The following ATG4B variants were observed in gnomAD, a reference collection of about 807,000 sequenced individuals.
ATG4B encodes cysteine protease ATG4B.
In ATG4B, 29 loss-of-function variants were observed where a neutral mutation model predicts 56.6. The observed-to-expected ratio is 0.51, with a 90% CI of 0.38 to 0.70. The LOEUF is 0.70. Ranked by LOEUF, ATG4B falls within the 30% of genes least tolerant of loss-of-function variation. ATG4B has a pLI of 0.00. For synonymous variants in ATG4B, 224 were observed against 206.1 expected, an observed-to-expected ratio of 1.09 and a Z score of -0.74; for missense variants, 461 against 515.5, an observed-to-expected ratio of 0.89 and a Z score of 1.02.
At chr2:241,660,267 C>T (rs1364421810) in intron 7 of ATG4B, among the ~76,000 whole-genome samples, 1 of 152,228 alleles carries the variant, frequency 6.6e-6, no homozygotes, top group Non-Finnish European at 1.5e-5. Flanking sequence ...GGGTCCTGCC[C>T]TGTGACTGTG....
At position 241,671,690 on chromosome 2, in the gene ATG4B, CAG is replaced by C. The variant is rs1238939064; in HGVS notation, c.1108+287_1108+288del. 4 of 1,367,636 alleles carry C rather than the reference CAG, an allele frequency of 2.9e-6. No individual in the cohort carries two copies. The Admixed American group carries it at 8.1e-5, about 28-fold the overall frequency. 84.7% of individuals were successfully genotyped at this position (1,367,636 alleles called of 1,614,324 possible). On this transcript the variant is annotated intron_variant, in intron 12 of 12. Transcript: ENST00000404914. The stretch of plus-strand genomic sequence containing the variant: ...GGAGTCCTCAGGGGTCTGGAGCAGA[CAG>C]AACATGCAGGCTCTGTGGTGACGCA...
At chr2:241,656,442 C>T (rs763133295) in intron 6 of ATG4B, among the ~76,000 whole-genome samples, 90 of 152,240 alleles carry the variant, frequency 5.9e-4, no homozygotes, top group Non-Finnish European at 2.4e-4. Flanking sequence ...CCCCAGCCCC[C>T]ACCACACCCT....
Position 241,637,735 on chromosome 2 carries a change from G to T in ATG4B, c.10+11G>T. 3 of 1,574,706 alleles carry T rather than the reference G, an allele frequency of 1.9e-6. No individual in the cohort carries two copies. The highest frequency in any genetic ancestry group is 2.6e-6 in the Non-Finnish European group (3 of 1,164,030). On this transcript the variant is annotated intron_variant, in intron 1 of 12. Transcript: ENST00000404914. Reference sequence around the variant, plus strand: ...GGAAGATGGACGCAGGTGAGGAGTTGCCGGGGGTCGGTCTTTCCGCAGGAG... The same window carrying T: ...GGAAGATGGACGCAGGTGAGGAGTTTCCGGGGGTCGGTCTTTCCGCAGGAG...
intron 1 of ATG4B, among the ~76,000 whole-genome samples, chr2:241,644,159 T>G (rs2067994482): frequency 6.6e-6 from 1 of 151,586 alleles, no homozygotes; most frequent in Admixed American, 6.6e-5. Flanking sequence ...CCAGCCTGCT[T>G]AACATAGGGA....
chr2:241,646,076 TCA>T (rs2068052617), intron 1 of ATG4B, among the ~76,000 whole-genome samples: 1 of 152,202 alleles, frequency 6.6e-6, no homozygotes, highest in Non-Finnish European at 1.5e-5. Flanking sequence ...CCTGTAATTT[TCA>T]CAGTTATAGC....
At position 241,670,460 on chromosome 2, in the gene ATG4B, A is replaced by G. The variant is rs187826299; in HGVS notation, c.958-266A>G. 258 of 557,306 alleles carry G rather than the reference A, an allele frequency of 4.6e-4. 1 individual carries two copies. Among genetic ancestry groups the G allele is most frequent in the Non-Finnish European group, 7.2e-4 (224 of 310,168 alleles). The allele number at this position is 557,306 out of a possible 1,614,324, so 34.5% of individuals were successfully genotyped here. ...CGGAACACTCGGTGAGGTTTGAGAG[A>G]TGCACACCACGTAACATCTCGTGGG... On this transcript the variant is annotated intron_variant, in intron 10 of 12. Transcript: ENST00000404914.
chr2:241,665,443 T>A (rs1273266526), intron 7 of ATG4B, among the ~76,000 whole-genome samples: 3 of 152,204 alleles, frequency 2.0e-5, no homozygotes, highest in Admixed American at 2.0e-4. Flanking sequence ...TGTATATAGT[T>A]GTGATGTCTT....
intron 1 of ATG4B, among the ~76,000 whole-genome samples, chr2:241,648,607 G>GA (rs796479347): frequency 0.053 from 7,416 of 139,122 alleles, 359 homozygotes; most frequent in African/African-American, 0.13. Flanking sequence ...AAAAAAAAAA[G>GA]AAAAAAAAAC....
Position 241,653,607 on chromosome 2 carries a change from C to A in ATG4B, c.280C>A (p.Arg94=), listed in dbSNP as rs1399287598. 1.3e-6 allele frequency: 2 copies of A among 1,563,232 alleles called. No homozygotes were observed. The highest frequency in any genetic ancestry group is 1.7e-6 in the Non-Finnish European group (2 of 1,153,468). Residue 94 remains arginine (R), a synonymous_variant, in exon 4 of 13, where the codon CGA becomes AGA. Transcript: ENST00000404914. ...AQALVCRHLG[R]DWRWTQRKRQ... is the part of the protein sequence containing the mutation. ...AGCCCTGGTGTGCCGGCACCTAGGC[C>A]GAGGTGAGTCACAGCCCTGGGGAGG...
At chr2:241,650,645 T>A (rs530594676) in intron 1 of ATG4B, among the ~76,000 whole-genome samples, 1 of 152,232 alleles carries the variant, frequency 6.6e-6, no homozygotes, top group Non-Finnish European at 1.5e-5. Flanking sequence ...TCGGGTGGGT[T>A]TTCATTTTTT....
intron 1 of ATG4B, chr2:241,638,112 G>A (rs1343272365): frequency 1.2e-5 from 2 of 162,192 alleles, no homozygotes; most frequent in Non-Finnish European, 2.7e-5. Flanking sequence ...GGGGACGCGA[G>A]CGGCGGGCGA....
chr2:241,668,171 G>A lies in ATG4B; in HGVS notation c.761G>A (p.Gly254Asp). 6.2e-7 allele frequency: 1 copy of A among 1,606,398 alleles called. No homozygotes were observed. Among genetic ancestry groups the A allele is most frequent in the Non-Finnish European group, 8.5e-7 (1 of 1,176,902 alleles). ...TGCTTCATGATGCCCCAGTCCCTGG[G>A]CGTCATCGGAGGGAAGCCCAACAGC... is the stretch of plus-strand genomic sequence containing the variant. Reference protein sequence around the residue: ...KHCFMMPQSLGVIGGKPNSAH... With the variant: ...KHCFMMPQSLDVIGGKPNSAH... The change falls in exon 9 of 13, where the codon GGC (glycine) becomes GAC (aspartate). Residue 254 changes from glycine to aspartate, a missense_variant. By Grantham distance (94) the Gly-to-Asp change is moderately conservative. Transcript: ENST00000404914. The surrounding 1 kb of genome is among the most constrained non-coding windows in gnomAD (Gnocchi z 4.2).
At chr2:241,666,965 C>G in intron 8 of ATG4B, 127 bp downstream of exon 8, 1 of 1,111,958 alleles carries the variant, frequency 9.0e-7, no homozygotes, top group Non-Finnish European at 1.3e-6. Context: ...GTAAACAACC[C>G]TGGTTTACAC....
At chr2:241,670,219 G>A (rs2068919053) in intron 10 of ATG4B, among the ~76,000 whole-genome samples, 1 of 152,130 alleles carries the variant, frequency 6.6e-6, no homozygotes, top group Admixed American at 6.6e-5. Flanking sequence ...GCAGCTTTAA[G>A]GATGTGATTG....
In ATG4B at chr2:241,668,930, T is replaced by C. The variant is rs2068866570; in HGVS notation, c.957+245T>C. ...TCGAGTGGCCCAGAGAGCGTGTGTC[T>C]GGATGTGAGCGTGTGTGGGCGCGTG... On this transcript the variant is annotated intron_variant, in intron 10 of 12. Transcript: ENST00000404914. This position sits in a 1 kb window ranked among gnomAD's most constrained non-coding sequence, Gnocchi z 4.2. The C allele has an allele frequency of 3.5e-6, 2 of 571,560 alleles. No homozygotes were observed. The allele number at this position is 571,560 out of a possible 1,614,324, so 35.4% of individuals were successfully genotyped here.
chr2:241,637,978 C>G (rs1041673472), intron 1 of ATG4B, among the ~76,000 whole-genome samples: 2 of 151,598 alleles, frequency 1.3e-5, no homozygotes, highest in African/African-American at 4.8e-5. Flanking sequence ...TTTTCCGGTC[C>G]CGTCCGGAGC....
intron 1 of ATG4B, 32 bp downstream of exon 1, chr2:241,637,756 A>C (rs752301833): frequency 1.3e-6 from 2 of 1,567,020 alleles, no homozygotes; most frequent in Non-Finnish European, 1.7e-6. Context: ...GTCTTTCCGC[A>C]GGAGGTGCTC....
At chr2:241,662,350 G>T (rs2068615042) in intron 7 of ATG4B, among the ~76,000 whole-genome samples, 1 of 152,212 alleles carries the variant, frequency 6.6e-6, no homozygotes, top group African/African-American at 2.4e-5. Context: ...ACTGGAAAAT[G>T]TTTAGAATTC....
intron 1 of ATG4B, among the ~76,000 whole-genome samples, chr2:241,648,898 G>A (rs1018874479): frequency 1.3e-5 from 2 of 152,208 alleles, no homozygotes; most frequent in African/African-American, 4.8e-5. Flanking sequence ...AGGCTTTTGG[G>A]TATAGTAAAA....
Sources: allele counts gnomAD v4.1 joint callset (sites outside exome capture counted in the v4.1 genomes callset), GRCh38; gene constraint gnomAD v4.1.1; non-coding constraint Gnocchi (gnomAD v3.1); transcripts MANE v1.5; gene names NCBI Gene and HGNC (gene_info 2026-07-23, HGNC 2026-07-21).